Variants in RFTN1 observed in about 807,000 individuals in gnomAD.
RFTN1 encodes the protein raftlin, lipid raft linker 1.
RFTN1 carries 26 observed loss-of-function variants against 46.5 expected under a neutral mutation model. The ratio of observed to expected loss-of-function variants is 0.56; its 90% CI spans 0.41 to 0.78. RFTN1 has a LOEUF of 0.78. Ranked by LOEUF, RFTN1 falls within the 30% of genes least tolerant of loss-of-function variation. The pLI is 0.00. For missense variants in RFTN1, 693 were observed against 718.7 expected (o/e 0.96, Z 0.41); for synonymous variants, 261 against 284.2 (o/e 0.92, Z 0.82).
rs1437399099 is a variant in RFTN1, at chr3:16,446,191, G to A, written c.146-12154C>T. 1.3e-5 allele frequency among the ~76,000 whole-genome samples: 2 copies of A among 151,642 alleles called. No homozygotes were observed. Among genetic ancestry groups the A allele is most frequent in the Non-Finnish European group, 2.9e-5 (2 of 67,958 alleles). On this transcript the variant is annotated intron_variant, in intron 2 of 9. Coordinates refer to ENST00000334133, the MANE Select transcript of RFTN1 (RefSeq NM_015150.2). The surrounding 1 kb of genome is among the most constrained non-coding windows in gnomAD (Gnocchi z 4.5). Reference sequence around the variant, plus strand: ...AACTCTGGGGTCCCCATATTCCCTGGGCCCTAAAGCAGATTAGCCACAAGA... The same window carrying A: ...AACTCTGGGGTCCCCATATTCCCTGAGCCCTAAAGCAGATTAGCCACAAGA...
Position 16,413,352 on chromosome 3 carries a change from T to C in RFTN1, c.333-3869A>G, listed in dbSNP as rs1025965485. On this transcript the variant is annotated intron_variant, in intron 3 of 9. Coordinates refer to ENST00000334133, the MANE Select transcript of RFTN1 (RefSeq NM_015150.2). The surrounding 1 kb of genome is among the most constrained non-coding windows in gnomAD (Gnocchi z 4.7). Reference sequence around the variant, plus strand: ...AGGGCTGTGGCCTGGTTGTCCAAGATACCACAGGACAAAGGAATAAATATT... The same window carrying C: ...AGGGCTGTGGCCTGGTTGTCCAAGACACCACAGGACAAAGGAATAAATATT... Among the ~76,000 whole-genome samples the C allele has an allele frequency of 6.6e-6, 1 of 152,214 alleles. No individual in the cohort carries two copies. Among genetic ancestry groups the C allele is most frequent in the African/African-American group, 2.4e-5 (1 of 41,446 alleles).
chr3:16,324,588 T>G (rs2069467013), intron 8 of RFTN1, among the ~76,000 whole-genome samples: 1 of 146,962 alleles, frequency 6.8e-6, no homozygotes, highest in African/African-American at 2.5e-5. Context: ...GGCTCATCCT[T>G]GTAATAAATA....
chr3:16,445,579 T>C (rs1455165303), intron 2 of RFTN1, among the ~76,000 whole-genome samples: 1 of 151,430 alleles, frequency 6.6e-6, no homozygotes, highest in Non-Finnish European at 1.5e-5. Context: ...GCACTCAAAA[T>C]GTGGCCAGTC....
At chr3:16,331,958 C>CAAT (rs1215741468) in intron 7 of RFTN1, among the ~76,000 whole-genome samples, 1 of 152,216 alleles carries the variant, frequency 6.6e-6, no homozygotes, top group Non-Finnish European at 1.5e-5. Flanking sequence ...TTCTAGATGT[C>CAAT]AGCAATGCTA....
chr3:16,381,070 G>A lies in RFTN1; in HGVS notation c.442-2968C>T, dbSNP rs372571532. On this transcript the variant is annotated intron_variant, in intron 4 of 9. Coordinates refer to ENST00000334133, the MANE Select transcript of RFTN1 (RefSeq NM_015150.2). This position sits in a 1 kb window ranked among gnomAD's most constrained non-coding sequence, Gnocchi z 4.2. ...TCAAGAAGATTTGACCAATTATTACGAACAGAGTTTAAAAATAATTACACT... is the reference window on the plus strand; with the variant it reads ...TCAAGAAGATTTGACCAATTATTACAAACAGAGTTTAAAAATAATTACACT... Among the ~76,000 whole-genome samples, 7 of 152,202 alleles carry A rather than the reference G, an allele frequency of 4.6e-5. No individual in the cohort carries two copies. The highest frequency in any genetic ancestry group is 7.2e-5 in the African/African-American group (3 of 41,516).
intron 3 of RFTN1, among the ~76,000 whole-genome samples, chr3:16,420,127 A>G (rs1159582380): frequency 1.3e-5 from 2 of 152,200 alleles, no homozygotes; most frequent in African/African-American, 4.8e-5. Context: ...TGCACTGTTA[A>G]CCGTAAAGAC....
chr3:16,455,552 A>C (rs1287981459), intron 2 of RFTN1, among the ~76,000 whole-genome samples: 1 of 152,174 alleles, frequency 6.6e-6, no homozygotes, highest in Non-Finnish European at 1.5e-5. Flanking sequence ...TAAATAGGGG[A>C]GCATTCTGCC....
chr3:16,316,494 G>T lies in RFTN1; in HGVS notation c.*334C>A, dbSNP rs879137325. On this transcript the variant is annotated 3_prime_UTR_variant, in exon 10 of 10. Transcript: ENST00000334133. The surrounding 1 kb of genome is among the most constrained non-coding windows in gnomAD (Gnocchi z 4.5). ...GATTTGACCCGAATGCTCCCTGGAG[G>T]CCCTGTGGCGAGGACAGGCACTGGA... The T allele has an allele frequency of 5.8e-6, 2 of 345,582 alleles. No homozygotes were observed. The highest frequency in any genetic ancestry group is 1.1e-5 in the Non-Finnish European group (2 of 186,624). The allele number at this position is 345,582 out of a possible 1,614,324, so 21.4% of individuals were successfully genotyped here. A position where few individuals can be genotyped will look rare whatever the true frequency, so the allele number is the denominator to read the frequency against.
intron 4 of RFTN1, among the ~76,000 whole-genome samples, chr3:16,397,132 G>T (rs147385010): frequency 4.6e-5 from 7 of 151,350 alleles, no homozygotes; most frequent in East Asian, 3.9e-4. Context: ...ATGAAAAATT[G>T]TAAGAGGTAT....
chr3:16,391,872 T>A (rs2074351803), intron 4 of RFTN1, among the ~76,000 whole-genome samples: 1 of 15,642 alleles, frequency 6.4e-5, no homozygotes, highest in Non-Finnish European at 1.5e-4. Context: ...TTTTTTTGTT[T>A]TTTTTTTTTG....
At position 16,317,742 on chromosome 3, in the gene RFTN1, A is replaced by G. The variant is rs1457673327; in HGVS notation, c.1333-510T>C. Among the ~76,000 whole-genome samples the G allele has an allele frequency of 6.7e-6, 1 of 149,936 alleles. No individual in the cohort carries two copies. The highest frequency in any genetic ancestry group is 2.5e-5 in the African/African-American group (1 of 39,562). ...TGCTGTACCGCTCAGATCCCCCCAC[A>G]GGACTGGCGGGCCCGCTCCCCAGCT... On this transcript the variant is annotated intron_variant, in intron 9 of 9. Coordinates refer to ENST00000334133, the MANE Select transcript of RFTN1 (RefSeq NM_015150.2). The surrounding 1 kb of genome is among the most constrained non-coding windows in gnomAD (Gnocchi z 4.3).
At chr3:16,403,007 G>A (rs527789497) in intron 4 of RFTN1, among the ~76,000 whole-genome samples, 1 of 152,334 alleles carries the variant, frequency 6.6e-6, no homozygotes, top group Admixed American at 6.5e-5. Flanking sequence ...CTGGACAAGG[G>A]CAGGGAGCGT....
chr3:16,366,802 C>T (rs1332185193), intron 6 of RFTN1, among the ~76,000 whole-genome samples: 1 of 152,222 alleles, frequency 6.6e-6, no homozygotes, highest in Non-Finnish European at 1.5e-5. Flanking sequence ...CACAAAGCAA[C>T]CGCTAGGTGT....
rs764567154 is a variant in RFTN1 at position 16,377,807 on chromosome 3, C to G, written c.737G>C (p.Gly246Ala). Residue 246 changes from glycine (G) to alanine (A), a missense_variant, in exon 5 of 10, where the codon GGT becomes GCT. Physicochemically the swap from Gly to Ala is moderately conservative, Grantham distance 60. Coordinates refer to ENST00000334133, the MANE Select transcript of RFTN1 (RefSeq NM_015150.2). The part of the protein sequence containing the change: ...QPSSPSGEGD[G>A]GELSPQGVSK... ...CACCCCCTGTGGTGAAAGTTCTCCACCATCTCCCTCTCCGGAGGGTGAGCT... is the reference window on the plus strand; with the variant it reads ...CACCCCCTGTGGTGAAAGTTCTCCAGCATCTCCCTCTCCGGAGGGTGAGCT... 1.2e-6 allele frequency: 2 copies of G among 1,614,094 alleles called. No homozygotes were observed. The highest frequency in any genetic ancestry group is 1.3e-5 in the African/African-American group (1 of 74,934).
At chr3:16,362,918 T>A (rs1252810092) in intron 6 of RFTN1, among the ~76,000 whole-genome samples, 1 of 152,260 alleles carries the variant, frequency 6.6e-6, no homozygotes, top group Admixed American at 6.5e-5. Context: ...GTCACAGGCC[T>A]GGGAAGGGGG....
chr3:16,406,428 C>T (rs532391868), intron 4 of RFTN1, among the ~76,000 whole-genome samples: 2 of 152,258 alleles, frequency 1.3e-5, no homozygotes, highest in East Asian at 3.9e-4. Context: ...ACACCTGGCT[C>T]CTCCAAGGCA....
At chr3:16,441,291 C>T (rs1262258939) in intron 2 of RFTN1, among the ~76,000 whole-genome samples, 3 of 110,672 alleles carry the variant, frequency 2.7e-5, no homozygotes, top group Admixed American at 9.3e-5. Flanking sequence ...AACCATTATT[C>T]CAAGAACTAA....
intron 2 of RFTN1, among the ~76,000 whole-genome samples, chr3:16,491,307 G>A (rs527665888): frequency 6.6e-6 from 1 of 152,268 alleles, no homozygotes; most frequent in East Asian, 1.9e-4. Flanking sequence ...AAAGAGCAAA[G>A]TCAAAGCAGC....
At chr3:16,367,525 C>T (rs1310159776) in intron 6 of RFTN1, among the ~76,000 whole-genome samples, 1 of 152,152 alleles carries the variant, frequency 6.6e-6, no homozygotes, top group Non-Finnish European at 1.5e-5. Context: ...TATGGTGGCG[C>T]TCTAAGATAC....
Sources: gnomAD v4.1 joint callset for allele counts (sites outside exome capture counted in the v4.1 genomes callset) on GRCh38, gnomAD v4.1.1 for gene constraint, Gnocchi (gnomAD v3.1) non-coding constraint, MANE v1.5 for transcripts, NCBI Gene and HGNC (gene_info 2026-07-23, HGNC 2026-07-21) for gene names.